HEATR5B: variants seen among roughly 807,000 people sequenced by gnomAD.
HEATR5B encodes HEAT repeat-containing protein 5B.
In HEATR5B, 156 loss-of-function variants were observed where a neutral mutation model predicts 224.1. That is an observed-to-expected ratio of 0.70 (90% CI 0.61 to 0.80). The LOEUF (loss-of-function observed/expected upper bound fraction) is 0.80. Among genes scored for constraint, HEATR5B ranks in the 30% least tolerant of loss-of-function variants. The pLI, the probability that HEATR5B is intolerant of heterozygous loss-of-function variation, is 0.00. For synonymous variants in HEATR5B, 1,027 were observed against 893.0 expected, an observed-to-expected ratio of 1.15 and a Z score of -2.68; for missense variants, 2,323 against 2,535.5, an observed-to-expected ratio of 0.92 and a Z score of 1.80.
chr2:37,007,889 T>C (rs550212283), intron 28 of HEATR5B, among the ~76,000 whole-genome samples: 96 of 152,336 alleles, frequency 6.3e-4, no homozygotes, highest in Admixed American at 1.8e-3. Context: ...AATTTACCTC[T>C]TCATTGTTGC....
At chr2:37,016,965 A>G (rs930392989) in intron 26 of HEATR5B, among the ~76,000 whole-genome samples, 1 of 152,214 alleles carries the variant, frequency 6.6e-6, no homozygotes, top group South Asian at 2.1e-4. Context: ...ACATGAAAAG[A>G]AAGAGCTGTT....
chr2:37,051,215 G>A (rs1670522980), intron 17 of HEATR5B, among the ~76,000 whole-genome samples: 1 of 151,750 alleles, frequency 6.6e-6, no homozygotes, highest in Non-Finnish European at 1.5e-5. Context: ...AATTAGCTGG[G>A]CATGATGGCG....
At position 37,081,735 on chromosome 2, in the gene HEATR5B, T is replaced by G. The variant is rs564054172; in HGVS notation, c.126+1554A>C. Among the ~76,000 whole-genome samples the G allele has an allele frequency of 7.2e-5, 11 of 152,280 alleles. No individual in the cohort carries two copies. The South Asian group carries it at 2.3e-3, about 32-fold the overall frequency. On this transcript the variant is annotated intron_variant, in intron 2 of 35. Coordinates refer to ENST00000233099, the MANE Select transcript of HEATR5B (RefSeq NM_019024.3). ...CCAGACTAGAAGAGTCCAGGCACAG[T>G]TGCGGTCTGGGAAAACTGCACTGAA...
At position 37,084,360 on chromosome 2, in the gene HEATR5B, C is replaced by A; in HGVS notation, c.-114G>T. The A allele has an allele frequency of 2.0e-6, 1 of 511,086 alleles. No individual in the cohort carries two copies. The highest frequency in any genetic ancestry group is 3.0e-6 in the Non-Finnish European group (1 of 329,438). 31.7% of individuals were successfully genotyped at this position (511,086 alleles called of 1,614,324 possible). The stretch of plus-strand genomic sequence containing the variant: ...GCCCCACCTCCCGCACTCCTACCTG[C>A]AGGAAACAAGGGAAGAGCGCTTGCG... On this transcript the variant is annotated 5_prime_UTR_variant, in exon 1 of 36. Coordinates refer to ENST00000233099, the MANE Select transcript of HEATR5B (RefSeq NM_019024.3).
chr2:37,030,202 G>A (rs1259558994), intron 22 of HEATR5B, among the ~76,000 whole-genome samples: 1 of 152,074 alleles, frequency 6.6e-6, no homozygotes, highest in African/African-American at 2.4e-5. Flanking sequence ...TATTTTTGTT[G>A]TGTCACCCCA....
At position 37,037,145 on chromosome 2, in the gene HEATR5B, G is replaced by GATATCTATATATATAT. The variant is rs1553431139; in HGVS notation, c.3216+709_3216+710insATATATATATAGATAT. 4.5e-5 allele frequency among the ~76,000 whole-genome samples: 4 copies of GATATCTATATATATAT among 89,140 alleles called. 1 individual carries two copies. Among genetic ancestry groups the GATATCTATATATATAT allele is most frequent in the African/African-American group, 1.5e-4 (4 of 26,368 alleles). The allele number at this position is 89,140 out of a possible 152,430, so 58.5% of individuals were successfully genotyped here. ...TTCCGAGTAGGAAAACTAAAAATGT[G>GATATCTATATATATAT]ATATATATATATATTTTGGAGATGG... On this transcript the variant is annotated intron_variant, in intron 21 of 35. Coordinates refer to ENST00000233099, the MANE Select transcript of HEATR5B (RefSeq NM_019024.3).
intron 35 of HEATR5B, among the ~76,000 whole-genome samples, chr2:36,984,225 T>TATATATATATATATATATATATA (rs1242428169): frequency 1.9e-4 from 14 of 75,288 alleles, no homozygotes; most frequent in African/African-American, 8.4e-4. Context: ...AATATATATA[T>TATATATATATATATATATATATA]ATATATATAT....
intron 2 of HEATR5B, 43 bp from the exon 3 acceptor site, chr2:37,079,374 T>G (rs1345883980): frequency 1.8e-6 from 2 of 1,122,292 alleles, no homozygotes; most frequent in Admixed American, 2.5e-5. Flanking sequence ...TTAAAAATTT[T>G]TTTTGTTACC....
At chr2:37,041,733 G>C (rs1367066822) in intron 18 of HEATR5B, among the ~76,000 whole-genome samples, 2 of 151,160 alleles carry the variant, frequency 1.3e-5, no homozygotes, top group Admixed American at 1.3e-4. Flanking sequence ...TGATAGAGCA[G>C]GACCCTGTCT....
chr2:37,003,634 T>A lies in HEATR5B; in HGVS notation c.4958A>T (p.Asn1653Ile). Residue 1653 changes from asparagine to isoleucine, a missense_variant, in exon 31 of 36, where the codon AAT becomes ATT. Transcript: ENST00000233099. The part of the protein sequence containing the change: ...SVLHRLLLTW[N>I]PSSVQLLVTG... ...AACCAACAGCTGGACAGATGATGGA[T>A]TCCAGGTCAATAGAAGGCGGTGCAA... 6.2e-7 allele frequency: 1 copy of A among 1,612,784 alleles called. No individual in the cohort carries two copies. The highest frequency in any genetic ancestry group is 8.5e-7 in the Non-Finnish European group (1 of 1,179,032).
intron 22 of HEATR5B, 75 bp from the exon 23 acceptor site, chr2:37,028,995 C>G: frequency 7.0e-7 from 1 of 1,422,864 alleles, no homozygotes; most frequent in Non-Finnish European, 9.7e-7. Flanking sequence ...TGATAAAGAC[C>G]AAGTCTTACA....
chr2:37,073,781 A>G (rs562328920), intron 5 of HEATR5B, among the ~76,000 whole-genome samples: 1 of 152,322 alleles, frequency 6.6e-6, no homozygotes, highest in African/African-American at 2.4e-5. Flanking sequence ...TTTTGCAGAC[A>G]TTGACAAACC....
At chr2:37,006,798 G>A (rs537774252) in intron 29 of HEATR5B, among the ~76,000 whole-genome samples, 20 of 152,012 alleles carry the variant, frequency 1.3e-4, no homozygotes, top group Non-Finnish European at 2.1e-4. Context: ...AACATATTAC[G>A]TTTTTTTACT....
At chr2:36,984,800 T>C (rs371884472) in intron 35 of HEATR5B, among the ~76,000 whole-genome samples, 2 of 152,276 alleles carry the variant, frequency 1.3e-5, no homozygotes, top group East Asian at 3.9e-4. Flanking sequence ...AAAGGAGAGA[T>C]AAAATTACTT....
chr2:37,062,430 CA>C (rs1410497682), intron 10 of HEATR5B, among the ~76,000 whole-genome samples: 3 of 144,314 alleles, frequency 2.1e-5, no homozygotes, highest in Non-Finnish European at 3.1e-5. Context: ...ACTCCGTCTC[CA>C]AAAAAAAAAG....
chr2:37,032,131 C>T (rs1248593491), intron 22 of HEATR5B, among the ~76,000 whole-genome samples: 1 of 152,166 alleles, frequency 6.6e-6, no homozygotes, highest in African/African-American at 2.4e-5. Context: ...GAACTGGAAA[C>T]CTTCAAGTGC....
intron 33 of HEATR5B, among the ~76,000 whole-genome samples, chr2:36,999,771 T>G (rs1037342206): frequency 3.3e-5 from 5 of 151,860 alleles, no homozygotes; most frequent in Non-Finnish European, 2.9e-5. Context: ...CTAGCAACTT[T>G]GGGAGGCCAA....
chr2:37,018,710 T>A (rs1256546265), intron 26 of HEATR5B, among the ~76,000 whole-genome samples: 1 of 152,186 alleles, frequency 6.6e-6, no homozygotes, highest in African/African-American at 2.4e-5. Context: ...CACAGCACCG[T>A]ACTCCAGAAA....
intron 35 of HEATR5B, among the ~76,000 whole-genome samples, chr2:36,982,025 T>TA (rs3832130): frequency 4.4e-4 from 63 of 144,116 alleles, no homozygotes; most frequent in East Asian, 5.9e-4. Context: ...TTGCTTTACT[T>TA]AAAAAAAAAA....
Sources: allele counts gnomAD v4.1 joint callset (sites outside exome capture counted in the v4.1 genomes callset), GRCh38; gene constraint gnomAD v4.1.1; transcripts MANE v1.5; gene names NCBI Gene and HGNC (gene_info 2026-07-23, HGNC 2026-07-21).